GRM7: variants seen among roughly 807,000 people sequenced by gnomAD.
GRM7 encodes metabotropic glutamate receptor 7.
Under a neutral mutation model 84.5 loss-of-function variants are expected in GRM7, and 35 were observed. The observed-to-expected ratio is 0.41, with a 90% CI of 0.32 to 0.55. GRM7 has a LOEUF of 0.55. GRM7 is among the 20% of genes least tolerant of loss of function. The pLI is 0.19. For missense variants in GRM7, 1,003 were observed against 1,194.6 expected, an observed-to-expected ratio of 0.84 and a Z score of 2.36; for synonymous variants, 487 against 455.1, an observed-to-expected ratio of 1.07 and a Z score of -0.89.
At chr3:7,315,000 G>T (rs554651822) in intron 4 of GRM7, among the ~76,000 whole-genome samples, 1 of 151,528 alleles carries the variant, frequency 6.6e-6, no homozygotes, top group South Asian at 2.1e-4. Flanking sequence ...TGTATTCTTT[G>T]TCATGTGTGA....
chr3:7,005,899 A>C (rs1251826149), intron 1 of GRM7, among the ~76,000 whole-genome samples: 1 of 152,130 alleles, frequency 6.6e-6, no homozygotes, highest in Non-Finnish European at 1.5e-5. Flanking sequence ...CTCAGTGTTG[A>C]GTCTCATTGC....
chr3:7,727,846 G>A (rs184684241), intron 9 of GRM7, among the ~76,000 whole-genome samples: 176 of 152,146 alleles, frequency 1.2e-3, no homozygotes, highest in African/African-American at 3.8e-3. Context: ...ATCTCCCATG[G>A]CCAAGATCCC....
intron 7 of GRM7, among the ~76,000 whole-genome samples, chr3:7,546,773 A>G (rs1341090778): frequency 6.6e-6 from 1 of 152,204 alleles, no homozygotes; most frequent in Non-Finnish European, 1.5e-5. Context: ...CATTTGCACA[A>G]TAAGAGCATT....
intron 1 of GRM7, among the ~76,000 whole-genome samples, chr3:6,909,097 A>G: frequency 6.6e-6 from 1 of 152,140 alleles, no homozygotes. Flanking sequence ...TTAGCTCAGC[A>G]GGTAGTTTAC....
chr3:7,081,676 T>C (rs1406723189), intron 1 of GRM7, among the ~76,000 whole-genome samples: 1 of 152,076 alleles, frequency 6.6e-6, no homozygotes, highest in Admixed American at 6.6e-5. Flanking sequence ...AAAATCTAGG[T>C]CTCTTGTACT....
intron 4 of GRM7, among the ~76,000 whole-genome samples, chr3:7,310,415 C>T (rs575244566): frequency 6.6e-6 from 1 of 152,066 alleles, no homozygotes; most frequent in South Asian, 2.1e-4. Flanking sequence ...TTTATTTTTC[C>T]TAAAACTGGA....
intron 8 of GRM7, among the ~76,000 whole-genome samples, chr3:7,648,751 C>G (rs1203355347): frequency 6.6e-6 from 1 of 152,044 alleles, no homozygotes; most frequent in African/African-American, 2.4e-5. Flanking sequence ...TCAGATGCAG[C>G]AAAGCCAAAG....
chr3:7,254,981 C>T (rs1210634730), intron 2 of GRM7, among the ~76,000 whole-genome samples: 2 of 152,298 alleles, frequency 1.3e-5, no homozygotes, highest in East Asian at 3.9e-4. Flanking sequence ...ACAATTTCAT[C>T]AGCTGTATTG....
intron 9 of GRM7, among the ~76,000 whole-genome samples, chr3:7,688,783 C>T (rs1700681113): frequency 6.6e-6 from 1 of 152,118 alleles, no homozygotes; most frequent in Admixed American, 6.5e-5. Flanking sequence ...CATCATGTTC[C>T]AACAAAGCCA....
At chr3:7,301,142 A>T (rs1347625748) in intron 3 of GRM7, among the ~76,000 whole-genome samples, 1 of 145,832 alleles carries the variant, frequency 6.9e-6, no homozygotes, top group East Asian at 2.0e-4. Context: ...TTACTTCTCC[A>T]TCATGGTCTT....
chr3:7,344,751 G>T (rs1198075472), intron 4 of GRM7, among the ~76,000 whole-genome samples: 1 of 152,126 alleles, frequency 6.6e-6, no homozygotes, highest in African/African-American at 2.4e-5. Flanking sequence ...TAGAATAGTG[G>T]ATACTTGAGG....
chr3:6,908,675 T>C (rs897258148), intron 1 of GRM7, among the ~76,000 whole-genome samples: 6 of 152,168 alleles, frequency 3.9e-5, no homozygotes, highest in African/African-American at 1.2e-4. Flanking sequence ...ACTAAGACTA[T>C]GGCAAGAGTA....
chr3:7,328,375 C>T (rs558317668), intron 4 of GRM7, among the ~76,000 whole-genome samples: 5 of 152,140 alleles, frequency 3.3e-5, no homozygotes, highest in South Asian at 2.1e-4. Context: ...CATTTCCAAC[C>T]GATTCTTCAC....
At chr3:7,530,046 C>G (rs965476921) in intron 7 of GRM7, among the ~76,000 whole-genome samples, 24 of 151,794 alleles carry the variant, frequency 1.6e-4, no homozygotes, top group African/African-American at 5.8e-4. Flanking sequence ...CACCCATCAA[C>G]CTGTCATCTA....
rs113919607 is a variant in GRM7 at position 7,196,645 on chromosome 3, C to T, written c.736+49977C>T. 5.4e-3 allele frequency among the ~76,000 whole-genome samples: 826 copies of T among 152,196 alleles called. 7 individuals carry two copies. Among genetic ancestry groups the T allele is most frequent in the African/African-American group, 0.019 (779 of 41,540 alleles). ...CATCCTTCAATCTCAGCTTAGATGG[C>T]GTTTCTTTAGTGAAGATGTTCCTGA... On this transcript the variant is annotated intron_variant, in intron 2 of 9. Coordinates refer to ENST00000357716, the MANE Select transcript of GRM7 (RefSeq NM_000844.4).
intron 1 of GRM7, among the ~76,000 whole-genome samples, chr3:6,885,523 T>G (rs552232630): frequency 3.9e-5 from 6 of 152,298 alleles, no homozygotes; most frequent in African/African-American, 1.4e-4. Context: ...CCTGACCTGT[T>G]TGAGCTAGTC....
At chr3:7,639,021 T>G (rs1698238771) in intron 8 of GRM7, among the ~76,000 whole-genome samples, 1 of 152,196 alleles carries the variant, frequency 6.6e-6, no homozygotes, top group Admixed American at 6.5e-5. Flanking sequence ...CCTGTTATTA[T>G]TTTCCATTTC....
intron 7 of GRM7, among the ~76,000 whole-genome samples, chr3:7,488,067 G>C (rs930771288): frequency 2.0e-5 from 3 of 152,206 alleles, no homozygotes; most frequent in African/African-American, 7.2e-5. Context: ...TGTTTGCCCT[G>C]CTGGGTTTTG....
chr3:7,587,924 A>G (rs1449037988), intron 8 of GRM7, among the ~76,000 whole-genome samples: 2 of 151,984 alleles, frequency 1.3e-5, no homozygotes, highest in Non-Finnish European at 2.9e-5. Flanking sequence ...CCTTATACCA[A>G]AGAACGTTAG....
Sources: gnomAD v4.1 joint callset for allele counts (sites outside exome capture counted in the v4.1 genomes callset) on GRCh38, gnomAD v4.1.1 for gene constraint, MANE v1.5 for transcripts, NCBI Gene and HGNC (gene_info 2026-07-23, HGNC 2026-07-21) for gene names.